Variants in DGKB observed in about 807,000 individuals in gnomAD.
DGKB encodes 90 kDa diacylglycerol kinase.
A neutral mutation model predicts 114.3 loss-of-function variants in DGKB; 67 were observed. That is an observed-to-expected ratio of 0.59 (90% CI 0.48 to 0.72). DGKB has a LOEUF of 0.72. DGKB is among the 30% of genes least tolerant of loss of function. The pLI, the probability that DGKB is intolerant of heterozygous loss-of-function variation, is 0.00. For missense variants in DGKB, 907 were observed against 975.2 expected (o/e 0.93, Z 0.93); for synonymous variants, 398 against 323.1 (o/e 1.23, Z -2.49).
chr7:14,750,326 A>G (rs1250163659), intron 4 of DGKB: 2 of 408,626 alleles, frequency 4.9e-6, no homozygotes, highest in Non-Finnish European at 9.7e-6. Flanking sequence ...CTGCCGTTTG[A>G]GAAAAAAAAG....
intron 1 of DGKB, among the ~76,000 whole-genome samples, chr7:14,844,760 G>T (rs1333635005): frequency 6.6e-6 from 1 of 152,116 alleles, no homozygotes; most frequent in South Asian, 2.1e-4. Flanking sequence ...AGTTATAATT[G>T]TAATAATTAT....
intron 18 of DGKB, 26 bp downstream of exon 18, chr7:14,583,026 C>A: frequency 1.4e-6 from 2 of 1,455,866 alleles, no homozygotes; most frequent in Non-Finnish European, 1.9e-6. Context: ...CTCTCCCCAG[C>A]CATATTAAGT....
intron 2 of DGKB, among the ~76,000 whole-genome samples, chr7:14,837,735 T>C (rs1289378737): frequency 6.6e-6 from 1 of 152,156 alleles, no homozygotes. Flanking sequence ...ATCATGCATA[T>C]TGAACAGCAT....
chr7:14,508,550 G>T (rs1787470929), intron 20 of DGKB, among the ~76,000 whole-genome samples: 1 of 152,124 alleles, frequency 6.6e-6, no homozygotes, highest in African/African-American at 2.4e-5. Flanking sequence ...GAATATATAG[G>T]TAGGATGAAG....
chr7:14,583,874 T>A (rs1800319363), intron 17 of DGKB, among the ~76,000 whole-genome samples: 1 of 152,184 alleles, frequency 6.6e-6, no homozygotes, highest in Non-Finnish European at 1.5e-5. Flanking sequence ...GCCTATTTTA[T>A]TGCAATAAAA....
chr7:14,835,289 T>A (rs919784847), intron 2 of DGKB, among the ~76,000 whole-genome samples: 1 of 152,216 alleles, frequency 6.6e-6, no homozygotes, highest in Non-Finnish European at 1.5e-5. Context: ...CCACATTTCA[T>A]ATTCAACTGC....
chr7:14,825,016 G>GTGTATATATATATA (rs1480765381), intron 2 of DGKB, among the ~76,000 whole-genome samples: 6 of 92,382 alleles, frequency 6.5e-5, no homozygotes, highest in East Asian at 3.3e-4. Flanking sequence ...GTATGTGTAT[G>GTGTATATATATATA]TATATATATA....
chr7:14,622,982 T>C (rs1807924629), intron 14 of DGKB, among the ~76,000 whole-genome samples: 1 of 152,178 alleles, frequency 6.6e-6, no homozygotes, highest in Non-Finnish European at 1.5e-5. Flanking sequence ...CCTAAAGTAT[T>C]ATTTATCTGA....
At chr7:14,589,385 C>T (rs1801309112) in intron 17 of DGKB, among the ~76,000 whole-genome samples, 1 of 151,692 alleles carries the variant, frequency 6.6e-6, no homozygotes, top group Non-Finnish European at 1.5e-5. Context: ...TATTTCTTTC[C>T]CTGAGTCTTT....
intron 6 of DGKB, among the ~76,000 whole-genome samples, chr7:14,702,740 A>C: frequency 6.6e-6 from 1 of 152,238 alleles, no homozygotes; most frequent in East Asian, 1.9e-4. Context: ...ATTACTAAGC[A>C]GCATAATTAT....
intron 2 of DGKB, among the ~76,000 whole-genome samples, chr7:14,814,329 C>T (rs1300768416): frequency 6.6e-6 from 1 of 152,070 alleles, no homozygotes; most frequent in Non-Finnish European, 1.5e-5. Flanking sequence ...GTACCAAGAA[C>T]AGCAAAATAA....
chr7:14,769,113 GAAA>G lies in DGKB; in HGVS notation c.71-11385_71-11383del, dbSNP rs1562487353. ...AGAAAGAAAGAAAGAAAGAAAGAAA[GAAA>G]GAAAGAAAGAGAGAGAGAGAAAGAA... On this transcript the variant is annotated intron_variant, in intron 2 of 25. Coordinates refer to ENST00000402815, the MANE Select transcript of DGKB (RefSeq NM_001350709.2). Among the ~76,000 whole-genome samples the G allele has an allele frequency of 7.9e-3, 900 of 114,332 alleles. 24 individuals carry two copies. The highest frequency in any genetic ancestry group is 0.034 in the African/African-American group (879 of 25,760). 75.0% of individuals were successfully genotyped at this position (114,332 alleles called of 152,430 possible).
intron 6 of DGKB, among the ~76,000 whole-genome samples, chr7:14,707,433 T>C (rs1238840248): frequency 5.8e-5 from 8 of 138,534 alleles, no homozygotes; most frequent in African/African-American, 2.2e-4. Context: ...TTCCAATCAA[T>C]AGAAAAAGAG....
intron 21 of DGKB, among the ~76,000 whole-genome samples, chr7:14,468,049 T>G (rs1780734073): frequency 6.6e-6 from 1 of 152,184 alleles, no homozygotes; most frequent in Admixed American, 6.6e-5. Context: ...ATTCTTATTA[T>G]ATTATTGATA....
chr7:14,967,307 ATTTATTTTTATT>A (rs10531792), intron 1 of DGKB, among the ~76,000 whole-genome samples: 103 of 149,956 alleles, frequency 6.9e-4, no homozygotes, highest in African/African-American at 2.4e-3. Flanking sequence ...TCCTGACTTG[ATTTATTTTTATT>A]TTTATTTTTA....
chr7:14,490,197 C>G (rs1384647373), intron 20 of DGKB, among the ~76,000 whole-genome samples: 1 of 151,916 alleles, frequency 6.6e-6, no homozygotes, highest in Non-Finnish European at 1.5e-5. Context: ...GTTAAGGTAG[C>G]CAAAACTTAA....
At chr7:14,230,511 T>A (rs1237225987) in intron 23 of DGKB, among the ~76,000 whole-genome samples, 1 of 151,706 alleles carries the variant, frequency 6.6e-6, no homozygotes, top group Non-Finnish European at 1.5e-5. Context: ...CTCCACAAAT[T>A]AAAAAACAGG....
chr7:14,368,418 T>C lies in DGKB; in HGVS notation c.1836-23027A>G, dbSNP rs141216613. 2.4e-3 allele frequency among the ~76,000 whole-genome samples: 367 copies of C among 152,206 alleles called. 3 individuals are homozygous for C. The highest frequency in any genetic ancestry group is 2.6e-3 in the Non-Finnish European group (178 of 68,006). On this transcript the variant is annotated intron_variant, in intron 21 of 25. Transcript: ENST00000402815. ...GGGTGATTTTATGAATCAAATGAGA[T>C]ATAGGTAAAGTATTTAGCACTAGGC...
intron 21 of DGKB, among the ~76,000 whole-genome samples, chr7:14,356,223 T>C (rs927920708): frequency 6.6e-6 from 1 of 152,010 alleles, no homozygotes; most frequent in African/African-American, 2.4e-5. Flanking sequence ...CTTTTCAAAA[T>C]CCAGTTCCTG....
Sources: gnomAD v4.1 joint callset for allele counts (sites outside exome capture counted in the v4.1 genomes callset) on GRCh38, gnomAD v4.1.1 for gene constraint, MANE v1.5 for transcripts, NCBI Gene and HGNC (gene_info 2026-07-23, HGNC 2026-07-21) for gene names.